Variants in ZFHX3 observed in about 807,000 individuals in gnomAD.
ZFHX3 encodes zinc finger homeobox 3, also known as zinc finger homeobox protein 3.
A neutral mutation model predicts 279.1 loss-of-function variants in ZFHX3; 42 were observed. That is an observed-to-expected ratio of 0.15 (90% CI 0.12 to 0.19). The LOEUF is 0.19. Among genes scored for constraint, ZFHX3 ranks in the 10% least tolerant of loss-of-function variants. The pLI is 1.00. For synonymous variants in ZFHX3, 2,293 were observed against 1,957.8 expected (o/e 1.17, Z -4.52); for missense variants, 4,981 against 4,754.0 (o/e 1.05, Z -1.40).
chr16:73,760,299 G>A lies in ZFHX3; in HGVS notation c.-1607-80059C>T, dbSNP rs111380183. 6.6e-3 allele frequency among the ~76,000 whole-genome samples: 1,008 copies of A among 152,100 alleles called. 14 individuals carry two copies. Among genetic ancestry groups the A allele is most frequent in the African/African-American group, 0.023 (944 of 41,506 alleles). ...TCTGAAATTGAGGCAGTAATAAATC[G>A]CCTACCAATCAAAAAATGCCGAGGA... On this transcript the variant is annotated intron_variant, in intron 1 of 17. Coordinates refer to the ZFHX3 transcript ENST00000641206.
At chr16:73,758,625 T>G (rs2053834407) in intron 1 of ZFHX3, among the ~76,000 whole-genome samples, 1 of 152,160 alleles carries the variant, frequency 6.6e-6, no homozygotes. Context: ...AGGGGAAGGA[T>G]AAGTGGCCTG....
At chr16:72,975,419 A>C (rs2144522563) in intron 1 of ZFHX3, among the ~76,000 whole-genome samples, 1 of 152,280 alleles carries the variant, frequency 6.6e-6, no homozygotes, top group East Asian at 1.9e-4. Context: ...CCAGTCTGGA[A>C]GACAGAGTGA....
intron 4 of ZFHX3, among the ~76,000 whole-genome samples, chr16:72,886,911 G>A (rs759368108): frequency 6.6e-6 from 1 of 152,196 alleles, no homozygotes; most frequent in Non-Finnish European, 1.5e-5. Context: ...CAGAGGCAAA[G>A]CAGAAGCTCC....
At position 73,040,605 on chromosome 16, in the gene ZFHX3, T is replaced by C. The variant is rs898825336; in HGVS notation, c.-50+7147A>G. On this transcript the variant is annotated intron_variant, in intron 1 of 9. Transcript: ENST00000268489. ...CTGTAACTATTTCAGACTCTTTCACTTCTGAACACGGTTGCAAAGATGTCA... is the reference window on the plus strand; with the variant it reads ...CTGTAACTATTTCAGACTCTTTCACCTCTGAACACGGTTGCAAAGATGTCA... 4.6e-5 allele frequency among the ~76,000 whole-genome samples: 7 copies of C among 152,172 alleles called. 1 individual carries two copies. Among genetic ancestry groups the C allele is most frequent in the Admixed American group, 6.5e-5 (1 of 15,286 alleles).
chr16:73,786,610 G>A (rs927722352), intron 1 of ZFHX3, among the ~76,000 whole-genome samples: 2 of 152,110 alleles, frequency 1.3e-5, no homozygotes, highest in African/African-American at 4.8e-5. Context: ...GTGGCAGGGG[G>A]GGCCAAAGAG....
At chr16:73,887,870 C>A (rs145824338) in intron 1 of ZFHX3, among the ~76,000 whole-genome samples, 1 of 151,906 alleles carries the variant, frequency 6.6e-6, no homozygotes, top group Non-Finnish European at 1.5e-5. Context: ...TTTAAAAAAA[C>A]AAACTTTTCC....
intron 5 of ZFHX3, among the ~76,000 whole-genome samples, chr16:73,241,870 C>G (rs1597238106): frequency 6.7e-6 from 1 of 149,830 alleles, no homozygotes; most frequent in East Asian, 2.0e-4. Flanking sequence ...GGAGTTAGTT[C>G]CATCAGGATC....
chr16:72,990,028 T>C (rs990987663), intron 1 of ZFHX3, among the ~76,000 whole-genome samples: 3 of 152,154 alleles, frequency 2.0e-5, no homozygotes, highest in African/African-American at 7.2e-5. Flanking sequence ...CTAGACCAAC[T>C]TTCCCGAATT....
chr16:73,423,777 G>A (rs937033796), intron 3 of ZFHX3, among the ~76,000 whole-genome samples: 6 of 151,426 alleles, frequency 4.0e-5, no homozygotes, highest in South Asian at 2.1e-4. Flanking sequence ...CAGGAGAATC[G>A]CTTGAACCTG....
chr16:72,953,567 G>A (rs1242936649), intron 2 of ZFHX3, among the ~76,000 whole-genome samples: 1 of 152,150 alleles, frequency 6.6e-6, no homozygotes, highest in Non-Finnish European at 1.5e-5. Context: ...CTTGGAATAA[G>A]CAGAGGAACG....
At chr16:73,130,946 C>A (rs1264893581) in intron 7 of ZFHX3, 6 of 1,304,096 alleles carry the variant, frequency 4.6e-6, no homozygotes, top group Middle Eastern at 4.3e-4. Context: ...GCTAGGGGCA[C>A]TATAAGACAT....
chr16:73,760,954 T>C (rs545024965), intron 1 of ZFHX3, among the ~76,000 whole-genome samples: 116 of 146,154 alleles, frequency 7.9e-4, no homozygotes, highest in African/African-American at 2.8e-3. Flanking sequence ...CTATTCAACA[T>C]AGTATTTGGA....
intron 3 of ZFHX3, among the ~76,000 whole-genome samples, chr16:73,367,335 G>C (rs1310404718): frequency 6.6e-6 from 1 of 152,112 alleles, no homozygotes; most frequent in Non-Finnish European, 1.5e-5. Flanking sequence ...CTTATATCAA[G>C]GTGGCACACT....
At chr16:73,544,397 A>G (rs1186835646) in intron 2 of ZFHX3, among the ~76,000 whole-genome samples, 1 of 152,152 alleles carries the variant, frequency 6.6e-6, no homozygotes, top group Non-Finnish European at 1.5e-5. Context: ...AAGCCCACCA[A>G]TCAGGCCTGC....
At chr16:72,867,943 G>A (rs575417732) in intron 4 of ZFHX3, among the ~76,000 whole-genome samples, 4 of 152,246 alleles carry the variant, frequency 2.6e-5, no homozygotes, top group South Asian at 2.1e-4. Flanking sequence ...AGGAACCCAC[G>A]GGGCTCCGAC....
chr16:73,647,024 C>CTTTT (rs36121781), intron 2 of ZFHX3, among the ~76,000 whole-genome samples: 1 of 133,968 alleles, frequency 7.5e-6, no homozygotes, highest in African/African-American at 3.1e-5. Flanking sequence ...TTTTTTTTTT[C>CTTTT]TTTTTTTTTT....
chr16:73,378,140 G>A lies in ZFHX3; in HGVS notation c.-1290-59804C>T, dbSNP rs2016757195. Among the ~76,000 whole-genome samples the A allele has an allele frequency of 2.0e-5, 3 of 146,880 alleles. No homozygotes were observed. In the Admixed American group the frequency reaches 2.1e-4, roughly 10 times the overall value. On this transcript the variant is annotated intron_variant, in intron 3 of 17. Coordinates refer to the ZFHX3 transcript ENST00000641206. ...TGGAGCTAATAGGTCAAAGAGCTCAGATATTTTGGGAAAGCATGGTCCACA... is the reference window on the plus strand; with the variant it reads ...TGGAGCTAATAGGTCAAAGAGCTCAAATATTTTGGGAAAGCATGGTCCACA...
chr16:73,791,202 C>A (rs1959811844), intron 1 of ZFHX3, among the ~76,000 whole-genome samples: 1 of 151,902 alleles, frequency 6.6e-6, no homozygotes, highest in African/African-American at 2.4e-5. Flanking sequence ...TGGACTCAAG[C>A]AATCCTCCTG....
chr16:73,198,563 T>C (rs1282733626), intron 5 of ZFHX3, among the ~76,000 whole-genome samples: 1 of 152,162 alleles, frequency 6.6e-6, no homozygotes, highest in African/African-American at 2.4e-5. Flanking sequence ...AAACTGCATG[T>C]AAAACAAAGA....
Sources: allele counts gnomAD v4.1 joint callset (sites outside exome capture counted in the v4.1 genomes callset), GRCh38; gene constraint gnomAD v4.1.1; transcripts MANE v1.5; gene names NCBI Gene and HGNC (gene_info 2026-07-23, HGNC 2026-07-21).